The following NLGN4Y variants were observed in gnomAD, a reference collection of about 807,000 sequenced individuals.
NLGN4Y encodes neuroligin-4, Y-linked.
A neutral mutation model predicts 8.4 loss-of-function variants in NLGN4Y; 4 were observed. The ratio of observed to expected loss-of-function variants is 0.48; its 90% confidence interval spans 0.23 to 1.09. The LOEUF (loss-of-function observed/expected upper bound fraction) is 1.09. Among genes scored for constraint, NLGN4Y ranks in the 50% least tolerant of loss-of-function variants. The pLI, the probability that NLGN4Y is intolerant of heterozygous loss-of-function variation, is 0.19. For missense variants in NLGN4Y, 90 were observed against 192.3 expected (o/e 0.47, Z 3.15); for synonymous variants, 35 against 75.6 (o/e 0.46, Z 2.78).
intron 2 of NLGN4Y, among the ~76,000 whole-genome samples, chrY:14,672,512 G>A (rs2080715481): frequency 5.8e-5 from 1 of 17,169 alleles, no homozygotes. Context: ...GTGACAGAGC[G>A]AGACACAGTC....
chrY:14,600,531 T>C (rs2150498021), intron 1 of NLGN4Y, among the ~76,000 whole-genome samples: 1 of 32,370 alleles, frequency 3.1e-5, no homozygotes, highest in East Asian at 7.9e-4. Context: ...ATTTGATATA[T>C]AATAAGTTAA....
chrY:14,559,325 A>C (rs2080219311), intron 1 of NLGN4Y, among the ~76,000 whole-genome samples: 1 of 33,450 alleles, frequency 3.0e-5, no homozygotes, highest in Non-Finnish European at 7.4e-5. Flanking sequence ...ACAATGCCCT[A>C]AATGTCTTGA....
At position 14,663,851 on chromosome Y, in the gene NLGN4Y, G is replaced by GT. The variant is rs760090026; in HGVS notation, c.472+41266dup. On this transcript the variant is annotated intron_variant, in intron 2 of 6. Transcript: ENST00000684976. ...ATCTTTATATTTTAAATGTTTTGGG[G>GT]TTTTTTCTTTATTTTTTTCATATTT... Among the ~76,000 whole-genome samples the GT allele has an allele frequency of 1.3e-3, 41 of 32,736 alleles. No individual in the cohort carries two copies. The South Asian group carries it at 0.029, about 23-fold the overall frequency. The allele number at this position is 32,736 out of a possible 37,273, so 87.8% of individuals were successfully genotyped here. A position where few individuals can be genotyped will look rare whatever the true frequency, so the allele number is the denominator to read the frequency against.
intron 1 of NLGN4Y, among the ~76,000 whole-genome samples, chrY:14,584,771 G>A: frequency 9.2e-5 from 3 of 32,676 alleles, no homozygotes; most frequent in Admixed American, 2.8e-4. Context: ...CTCATAAGAG[G>A]AAGTCAGTTT....
At chrY:14,749,592 G>A in intron 4 of NLGN4Y, among the ~76,000 whole-genome samples, 1 of 33,418 alleles carries the variant, frequency 3.0e-5, no homozygotes, top group Admixed American at 2.7e-4. Context: ...TGCTATTCTG[G>A]CGCAGCTATG....
chrY:14,700,990 C>T (rs9785836), intron 2 of NLGN4Y, among the ~76,000 whole-genome samples: 1 of 32,550 alleles, frequency 3.1e-5, no homozygotes, highest in Admixed American at 2.8e-4. Context: ...GGGTCACTAA[C>T]TAGTGCTAGA....
chrY:14,768,920 G>C (rs1037203200), intron 4 of NLGN4Y, among the ~76,000 whole-genome samples: 4 of 33,397 alleles, frequency 1.2e-4, no homozygotes, highest in Non-Finnish European at 3.0e-4. Context: ...ACAAATTCAT[G>C]TATGACTTTT....
At chrY:14,810,903 T>C (rs9786170) in intron 4 of NLGN4Y, among the ~76,000 whole-genome samples, 5,096 of 33,000 alleles carry the variant, frequency 0.15, no homozygotes, top group African/African-American at 0.59. Flanking sequence ...ATTTTCTCTA[T>C]GGACTTTGGA....
chrY:14,704,745 C>G, intron 2 of NLGN4Y, among the ~76,000 whole-genome samples: 1 of 33,050 alleles, frequency 3.0e-5, no homozygotes, highest in African/African-American at 1.2e-4. Context: ...GGTACCAGCT[C>G]CTCCTTGTAC....
intron 4 of NLGN4Y, among the ~76,000 whole-genome samples, chrY:14,766,994 A>G (rs2081095352): frequency 3.0e-5 from 1 of 33,518 alleles, no homozygotes; most frequent in Non-Finnish European, 7.4e-5. Flanking sequence ...AATTACAGAC[A>G]GATATTGTAC....
chrY:14,529,629 G>A, intron 1 of NLGN4Y, among the ~76,000 whole-genome samples: 1 of 32,724 alleles, frequency 3.1e-5, no homozygotes, highest in South Asian at 7.1e-4. Context: ...CATTGCAACT[G>A]AGTGTCTTTA....
intron 1 of NLGN4Y, among the ~76,000 whole-genome samples, chrY:14,603,833 T>G: frequency 6.0e-5 from 2 of 33,591 alleles, no homozygotes; most frequent in Non-Finnish European, 1.5e-4. Flanking sequence ...CATTTATTAT[T>G]TGCTTGTGTT....
chrY:14,635,896 G>A, intron 2 of NLGN4Y, among the ~76,000 whole-genome samples: 1 of 32,800 alleles, frequency 3.0e-5, no homozygotes, highest in Admixed American at 2.9e-4. Context: ...CTGGCCGAAA[G>A]TGGATGTTTT....
In NLGN4Y at chrY:14,703,005, G is replaced by T. The variant is rs547179842; in HGVS notation, c.473-16454G>T. Among the ~76,000 whole-genome samples the T allele has an allele frequency of 7.3e-3, 242 of 33,123 alleles. No homozygotes were observed. In the Middle Eastern group the frequency reaches 0.23, roughly 31 times the overall value. The allele number at this position is 33,123 out of a possible 37,273, so 88.9% of individuals were successfully genotyped here. A position where few individuals can be genotyped will look rare whatever the true frequency, so the allele number is the denominator to read the frequency against. On this transcript the variant is annotated intron_variant, in intron 2 of 6. Coordinates refer to ENST00000684976, the MANE Select transcript of NLGN4Y (RefSeq NM_001365588.1). ...ATATCCTTCGCCCACTTTTTGATGG[G>T]TTTTTTTGTTTTTCTCTTGTAAACT...
At chrY:14,651,326 C>T in intron 2 of NLGN4Y, among the ~76,000 whole-genome samples, 1 of 33,239 alleles carries the variant, frequency 3.0e-5, no homozygotes, top group South Asian at 6.7e-4. Flanking sequence ...GAAAAATAAA[C>T]ATCTTCTAAG....
At chrY:14,674,109 G>A (rs2080737342) in intron 2 of NLGN4Y, among the ~76,000 whole-genome samples, 1 of 30,156 alleles carries the variant, frequency 3.3e-5, no homozygotes, top group African/African-American at 1.3e-4. Flanking sequence ...TGGGTGCAGC[G>A]CACCAGCATG....
chrY:14,758,770 C>T, intron 4 of NLGN4Y, among the ~76,000 whole-genome samples: 1 of 33,581 alleles, frequency 3.0e-5, no homozygotes, highest in Non-Finnish European at 7.4e-5. Context: ...TAGCTTAGAC[C>T]ACAGATGTTT....
intron 2 of NLGN4Y, among the ~76,000 whole-genome samples, 173 bp downstream of exon 2, chrY:14,622,764 A>G (rs1603501570): frequency 2.9e-5 from 1 of 34,036 alleles, no homozygotes; most frequent in East Asian, 7.6e-4. Flanking sequence ...CACATGTTCC[A>G]CTTGTATATA....
chrY:14,663,038 T>C (rs2080680401), intron 2 of NLGN4Y, among the ~76,000 whole-genome samples: 1 of 33,651 alleles, frequency 3.0e-5, no homozygotes, highest in Non-Finnish European at 7.4e-5. Context: ...TCGTTTCCAA[T>C]GTCTGATAAC....
Sources: allele counts gnomAD v4.1 joint callset (sites outside exome capture counted in the v4.1 genomes callset), GRCh38; gene constraint gnomAD v4.1.1; transcripts MANE v1.5; gene names NCBI Gene and HGNC (gene_info 2026-07-23, HGNC 2026-07-21).